NALF1: variants seen among roughly 807,000 people sequenced by gnomAD.
NALF1 encodes family with sequence similarity 155 member A.
In NALF1, 3 loss-of-function variants were observed where a neutral mutation model predicts 48.4. The observed-to-expected ratio is 0.06, with a 90% CI of 0.03 to 0.16. NALF1 has a LOEUF of 0.16. Ranked by LOEUF, NALF1 falls within the 10% of genes least tolerant of loss-of-function variation. The probability of loss-of-function intolerance (pLI) is 1.00; values close to 1 mark genes in which losing one functional copy is unlikely to be tolerated. For missense variants in NALF1, 526 were observed against 571.5 expected (o/e 0.92, Z 0.81); for synonymous variants, 262 against 245.7 (o/e 1.07, Z -0.62).
chr13:107,201,257 C>G (rs981684744), intron 2 of NALF1, among the ~76,000 whole-genome samples: 1 of 152,108 alleles, frequency 6.6e-6, no homozygotes, highest in Non-Finnish European at 1.5e-5. Context: ...ATATCATAGG[C>G]CTTGGAAGAG....
intron 1 of NALF1, among the ~76,000 whole-genome samples, chr13:107,666,195 C>G (rs1384655655): frequency 1.3e-5 from 2 of 152,118 alleles, no homozygotes; most frequent in East Asian, 1.9e-4. Context: ...TCAAAACACT[C>G]TCATAATAAC....
intron 1 of NALF1, among the ~76,000 whole-genome samples, chr13:107,264,375 A>G (rs946193760): frequency 3.9e-5 from 6 of 152,244 alleles, no homozygotes; most frequent in Non-Finnish European, 8.8e-5. Context: ...TGGGAAAAGC[A>G]TATGAGGTGA....
At chr13:107,683,318 A>G (rs915827629) in intron 1 of NALF1, among the ~76,000 whole-genome samples, 7 of 152,160 alleles carry the variant, frequency 4.6e-5, no homozygotes, top group African/African-American at 1.7e-4. Flanking sequence ...GCATAATTTT[A>G]TTTTGTTTTC....
At position 107,167,215 on chromosome 13, in the gene NALF1, A is replaced by T. The variant is rs568264670; in HGVS notation, c.*3282T>A. 7.2e-5 allele frequency: 11 copies of T among 152,272 alleles called. No homozygotes were observed. Among genetic ancestry groups the T allele is most frequent in the Admixed American group, 7.2e-4 (11 of 15,308 alleles). The allele number at this position is 152,272 out of a possible 1,614,324, so 9.4% of individuals were successfully genotyped here. On this transcript the variant is annotated 3_prime_UTR_variant, in exon 3 of 3. Transcript: ENST00000375915. ...CTTGCTTGCAGAAATAATTATTTTA[A>T]TATTGTAGTTCATTAGCCAGTATAC...
At chr13:107,226,996 C>T (rs1880119909) in intron 1 of NALF1, among the ~76,000 whole-genome samples, 1 of 152,228 alleles carries the variant, frequency 6.6e-6, no homozygotes, top group Admixed American at 6.5e-5. Flanking sequence ...TGTTGCTATA[C>T]ATATTGTATC....
chr13:107,672,774 G>A (rs1435612251), intron 1 of NALF1, among the ~76,000 whole-genome samples: 3 of 152,112 alleles, frequency 2.0e-5, no homozygotes, highest in Non-Finnish European at 1.5e-5. Flanking sequence ...GACCTAAGGT[G>A]ATTTTAAATT....
chr13:107,551,361 A>G (rs564521689), intron 1 of NALF1, among the ~76,000 whole-genome samples: 59 of 152,244 alleles, frequency 3.9e-4, no homozygotes, highest in Non-Finnish European at 7.4e-5. Flanking sequence ...TCATATCTTT[A>G]TCATCATTAT....
chr13:107,376,335 G>A (rs985758742), intron 1 of NALF1, among the ~76,000 whole-genome samples: 1 of 152,102 alleles, frequency 6.6e-6, no homozygotes, highest in Non-Finnish European at 1.5e-5. Context: ...ATAGGTGTGT[G>A]GGATTAAGAA....
intron 1 of NALF1, among the ~76,000 whole-genome samples, chr13:107,344,060 A>G (rs1401151860): frequency 2.0e-5 from 3 of 152,120 alleles, no homozygotes; most frequent in Non-Finnish European, 4.4e-5. Context: ...ACTACAGAAC[A>G]ACTATCTGCC....
chr13:107,614,338 A>G (rs1420499976), intron 1 of NALF1, among the ~76,000 whole-genome samples: 3 of 152,180 alleles, frequency 2.0e-5, no homozygotes, highest in Non-Finnish European at 2.9e-5. Context: ...TTCTTGTTAA[A>G]CAGGCCAGGT....
intron 1 of NALF1, among the ~76,000 whole-genome samples, chr13:107,783,228 G>A (rs1877968179): frequency 7.5e-6 from 1 of 134,028 alleles, no homozygotes; most frequent in African/African-American, 2.8e-5. Context: ...CGCCCCGTCC[G>A]GGAGGGAGGT....
At chr13:107,248,513 A>G (rs911793552) in intron 1 of NALF1, among the ~76,000 whole-genome samples, 1 of 150,778 alleles carries the variant, frequency 6.6e-6, no homozygotes, top group African/African-American at 2.4e-5. Flanking sequence ...GCCTAAAGAA[A>G]GGTTAACAGT....
chr13:107,427,922 T>G (rs560860485), intron 1 of NALF1, among the ~76,000 whole-genome samples: 25 of 152,350 alleles, frequency 1.6e-4, no homozygotes, highest in African/African-American at 5.8e-4. Flanking sequence ...TTCACAAGCA[T>G]GTATTTAACT....
chr13:107,636,931 C>T (rs1879993219), intron 1 of NALF1, among the ~76,000 whole-genome samples: 1 of 150,210 alleles, frequency 6.7e-6, no homozygotes. Flanking sequence ...CACATGAAGA[C>T]ATTTTAGTCA....
At chr13:107,734,798 T>C (rs1016102358) in intron 1 of NALF1, among the ~76,000 whole-genome samples, 6 of 152,102 alleles carry the variant, frequency 3.9e-5, no homozygotes, top group Non-Finnish European at 8.8e-5. Flanking sequence ...ATAACTACCA[T>C]TGACAGTATA....
intron 1 of NALF1, among the ~76,000 whole-genome samples, chr13:107,467,442 T>A (rs1315183038): frequency 6.6e-6 from 1 of 151,336 alleles, no homozygotes; most frequent in Non-Finnish European, 1.5e-5. Context: ...TCCACATTCT[T>A]CCATTTCTAT....
intron 1 of NALF1, among the ~76,000 whole-genome samples, chr13:107,764,329 T>C (rs1877361365): frequency 6.6e-6 from 1 of 152,202 alleles, no homozygotes; most frequent in Non-Finnish European, 1.5e-5. Context: ...GATATGTTTG[T>C]ATACGTGATG....
At chr13:107,723,168 G>A (rs556660435) in intron 1 of NALF1, among the ~76,000 whole-genome samples, 2 of 152,072 alleles carry the variant, frequency 1.3e-5, no homozygotes, top group Non-Finnish European at 2.9e-5. Context: ...GCGATTCCTG[G>A]GATACATGTT....
intron 2 of NALF1, among the ~76,000 whole-genome samples, chr13:107,180,825 A>G (rs1879045515): frequency 6.6e-6 from 1 of 151,824 alleles, no homozygotes; most frequent in African/African-American, 2.4e-5. Flanking sequence ...AAGTATTTTA[A>G]CCGTCTAGGA....
Sources: gnomAD v4.1 joint callset for allele counts (sites outside exome capture counted in the v4.1 genomes callset) on GRCh38, gnomAD v4.1.1 for gene constraint, MANE v1.5 for transcripts, NCBI Gene and HGNC (gene_info 2026-07-23, HGNC 2026-07-21) for gene names.